The following GNB4 variants were observed in gnomAD, a reference collection of about 807,000 sequenced individuals.
GNB4 encodes the protein G protein subunit beta 4.
Under a neutral mutation model 45.2 loss-of-function variants are expected in GNB4, and 28 were observed. That is an observed-to-expected ratio of 0.62 (90% CI 0.46 to 0.85). GNB4 has a LOEUF of 0.85. Among genes scored for constraint, GNB4 ranks in the 40% least tolerant of loss-of-function variants. The pLI is 0.00. For synonymous variants in GNB4, 132 were observed against 143.7 expected (o/e 0.92, Z 0.58); for missense variants, 321 against 425.4 (o/e 0.75, Z 2.16).
At chr3:179,489,014 A>ATATATAT in the GNB4 span, among the ~76,000 whole-genome samples, 1 of 52,724 alleles carries the variant, frequency 1.9e-5, no homozygotes, top group African/African-American at 1.0e-4. Context: ...AAAAAAAAAA[A>ATATATAT]AAAAAATATA....
intron 8 of GNB4, among the ~76,000 whole-genome samples, chr3:179,407,869 T>C (rs1714519492): frequency 6.6e-6 from 1 of 152,154 alleles, no homozygotes; most frequent in African/African-American, 2.4e-5. Context: ...AACCTCATAA[T>C]AACCTCATTA....
intron 1 of GNB4, among the ~76,000 whole-genome samples, chr3:179,427,209 C>T (rs1715172982): frequency 6.6e-6 from 1 of 152,088 alleles, no homozygotes; most frequent in Admixed American, 6.5e-5. Flanking sequence ...GCTGATAGCA[C>T]ATGTGCACCC....
chr3:179,419,347 T>C, intron 4 of GNB4, 52 bp downstream of exon 4: 1 of 1,091,244 alleles, frequency 9.2e-7, no homozygotes. Context: ...TGGTTCTTAA[T>C]GAAAATAATT....
chr3:179,476,911 T>C, the GNB4 span, among the ~76,000 whole-genome samples: 1 of 152,208 alleles, frequency 6.6e-6, no homozygotes, highest in East Asian at 1.9e-4. Flanking sequence ...CATCTTTAAG[T>C]CTTTTCTCTT....
chr3:179,429,021 C>T (rs1317107969), intron 1 of GNB4, among the ~76,000 whole-genome samples: 3 of 152,184 alleles, frequency 2.0e-5, no homozygotes, highest in South Asian at 2.1e-4. Context: ...ACCATCACTC[C>T]GTGGATGGGG....
the GNB4 span, among the ~76,000 whole-genome samples, chr3:179,457,806 G>T: frequency 6.6e-6 from 1 of 152,066 alleles, no homozygotes. Flanking sequence ...CCAAGACTTG[G>T]GACGGTTTTT....
At chr3:179,487,012 T>G in the GNB4 span, among the ~76,000 whole-genome samples, 229 of 152,338 alleles carry the variant, frequency 1.5e-3, 1 homozygote, top group African/African-American at 5.2e-3. Context: ...ACACTTCTAT[T>G]CAAAAATGCC....
At chr3:179,429,257 T>C (rs1372591588) in intron 1 of GNB4, among the ~76,000 whole-genome samples, 1 of 152,202 alleles carries the variant, frequency 6.6e-6, no homozygotes, top group East Asian at 1.9e-4. Context: ...CCAAGCTCAG[T>C]GTCTCTAGGC....
At chr3:179,515,092 C>T in the GNB4 span, among the ~76,000 whole-genome samples, 6 of 152,268 alleles carry the variant, frequency 3.9e-5, no homozygotes, top group African/African-American at 1.4e-4. Flanking sequence ...AACTTCTCTA[C>T]AAATATCCAA....
rs1179554020 is a variant in GNB4 at position 179,401,251 on chromosome 3, T to C, written c.985A>G (p.Thr329Ala). ...CTAAGAAAACTGTCCCAAGAGCCTG[T>C]TGCCACAGCCATGCCATCATCAGTT... ...GVTDDGMAVA[T>A]GSWDSFLRIW... Residue 329 changes from threonine (T) to alanine (A), a missense_variant, in exon 10 of 10, where the codon ACA (threonine) becomes GCA (alanine). Coordinates refer to ENST00000232564, the MANE Select transcript of GNB4 (RefSeq NM_021629.4). 6.2e-6 allele frequency: 10 copies of C among 1,614,016 alleles called. No homozygotes were observed. The highest frequency in any genetic ancestry group is 1.3e-5 in the African/African-American group (1 of 75,058).
chr3:179,474,738 T>C, the GNB4 span, among the ~76,000 whole-genome samples: 23 of 34,518 alleles, frequency 6.7e-4, no homozygotes, highest in Non-Finnish European at 1.2e-3. Flanking sequence ...GACTGGGTCC[T>C]TTTTTTTTTT....
At chr3:179,497,463 C>A in the GNB4 span, among the ~76,000 whole-genome samples, 1 of 152,028 alleles carries the variant, frequency 6.6e-6, no homozygotes, top group Non-Finnish European at 1.5e-5. Context: ...TTGAATATAA[C>A]ACCAAAAGCA....
intron 2 of GNB4, 74 bp downstream of exon 2, chr3:179,426,070 A>T: frequency 8.5e-7 from 1 of 1,175,956 alleles, no homozygotes; most frequent in South Asian, 1.3e-5. Context: ...ATATAGACTG[A>T]TAAACTAATA....
At chr3:179,482,325 C>T in the GNB4 span, among the ~76,000 whole-genome samples, 1 of 152,034 alleles carries the variant, frequency 6.6e-6, no homozygotes, top group Non-Finnish European at 1.5e-5. Context: ...CATACATCAG[C>T]GAAGATTAGA....
At chr3:179,509,168 T>TAC in the GNB4 span, among the ~76,000 whole-genome samples, 2,086 of 146,956 alleles carry the variant, frequency 0.014, 27 homozygotes, top group Non-Finnish European at 0.02. Flanking sequence ...TATATATACA[T>TAC]ACACACACAC....
chr3:179,428,757 C>T (rs1715219750), intron 1 of GNB4, among the ~76,000 whole-genome samples: 1 of 152,254 alleles, frequency 6.6e-6, no homozygotes, highest in Middle Eastern at 3.4e-3. Flanking sequence ...AGGCATGAGT[C>T]GCTGAGCCCA....
intron 2 of GNB4, among the ~76,000 whole-genome samples, chr3:179,424,202 G>A (rs1161925079): frequency 2.6e-5 from 4 of 152,168 alleles, no homozygotes; most frequent in African/African-American, 7.2e-5. Flanking sequence ...TAACACCATC[G>A]ACTTCACAGA....
the GNB4 span, among the ~76,000 whole-genome samples, chr3:179,458,271 C>T: frequency 0.064 from 9,765 of 152,190 alleles, 469 homozygotes; most frequent in Middle Eastern, 0.23. Flanking sequence ...ATCCAAATGA[C>T]AGCAGCAAAT....
chr3:179,425,161 A>G (rs1423958642), intron 2 of GNB4, among the ~76,000 whole-genome samples: 1 of 152,154 alleles, frequency 6.6e-6, no homozygotes, highest in Non-Finnish European at 1.5e-5. Flanking sequence ...TTTCATTTTT[A>G]GCTCTGCCTT....
Sources: gnomAD v4.1 joint callset for allele counts (sites outside exome capture counted in the v4.1 genomes callset) on GRCh38, gnomAD v4.1.1 for gene constraint, MANE v1.5 for transcripts, NCBI Gene and HGNC (gene_info 2026-07-23, HGNC 2026-07-21) for gene names.